The following TMLHE variants were observed in gnomAD, a reference collection of about 807,000 sequenced individuals.
The protein encoded by TMLHE is trimethyllysine hydroxylase, epsilon.
Under a neutral mutation model 25.7 loss-of-function variants are expected in TMLHE, and 18 were observed. That is an observed-to-expected ratio of 0.70 (90% CI 0.48 to 1.04). The LOEUF is 1.04. Ranked by LOEUF, TMLHE falls within the 50% of genes least tolerant of loss-of-function variation. The probability of loss-of-function intolerance (pLI) is 0.00; values close to 1 mark genes in which losing one functional copy is unlikely to be tolerated. For missense variants in TMLHE, 236 were observed against 259.0 expected (o/e 0.91, Z 0.61); for synonymous variants, 105 against 97.0 (o/e 1.08, Z -0.49).
chrX:155,576,217 A>G (rs1315862546), intron 1 of TMLHE, among the ~76,000 whole-genome samples: 1 of 111,614 alleles, frequency 9.0e-6, no homozygotes, highest in African/African-American at 3.3e-5. Context: ...CACCAACAAC[A>G]TCTAAGCTGA....
intron 1 of TMLHE, among the ~76,000 whole-genome samples, chrX:155,549,953 T>C (rs1483939213): frequency 2.7e-5 from 3 of 109,713 alleles, no homozygotes; most frequent in Non-Finnish European, 5.7e-5. Flanking sequence ...CAACTCCCAC[T>C]TATGAGTGAG....
At chrX:155,532,557 T>C (rs1387818519) in intron 2 of TMLHE, among the ~76,000 whole-genome samples, 1 of 111,458 alleles carries the variant, frequency 9.0e-6, no homozygotes, top group Non-Finnish European at 1.9e-5. Flanking sequence ...CTGAACTTAA[T>C]TGAAAGACTG....
rs782243383 is a variant in TMLHE at position 155,528,898 on chromosome X, A to G, written c.182-4266T>C. 3.9e-4 allele frequency among the ~76,000 whole-genome samples: 44 copies of G among 112,036 alleles called. 1 individual carries two copies. The highest frequency in any genetic ancestry group is 4.6e-3 in the Middle Eastern group (1 of 218). On this transcript the variant is annotated intron_variant, in intron 2 of 7. Coordinates refer to ENST00000334398, the MANE Select transcript of TMLHE (RefSeq NM_018196.4). ...GAAAGTGTCACACATGTGGAGCTGC[A>G]TATAAGGTTATTCATAATAGTGATG...
At chrX:155,522,213 G>T (rs2067192203) in intron 3 of TMLHE, among the ~76,000 whole-genome samples, 1 of 111,684 alleles carries the variant, frequency 9.0e-6, no homozygotes, top group Admixed American at 9.5e-5. Flanking sequence ...TGCATCATAA[G>T]CATGTTTTTT....
At chrX:155,593,553 T>C (rs1270814972) in intron 1 of TMLHE, among the ~76,000 whole-genome samples, 1 of 111,713 alleles carries the variant, frequency 9.0e-6, no homozygotes, top group Non-Finnish European at 1.9e-5. Context: ...TCATTACATC[T>C]CCAAAAGAAA....
chrX:155,523,184 C>T (rs2067199017), intron 3 of TMLHE, among the ~76,000 whole-genome samples: 1 of 111,880 alleles, frequency 8.9e-6, no homozygotes, highest in Non-Finnish European at 1.9e-5. Context: ...ATCTTTTATC[C>T]ATTTTTAAAT....
chrX:155,546,973 G>A (rs1603046670), intron 1 of TMLHE, among the ~76,000 whole-genome samples: 1 of 110,265 alleles, frequency 9.1e-6, no homozygotes, highest in East Asian at 2.8e-4. Flanking sequence ...AGTCTATGAA[G>A]TCTACAATAT....
intron 3 of TMLHE, among the ~76,000 whole-genome samples, chrX:155,522,028 G>A (rs782689015): frequency 9.0e-6 from 1 of 110,787 alleles, no homozygotes; most frequent in Non-Finnish European, 1.9e-5. Context: ...GTTCCTATTC[G>A]GCCATCTTGG....
Position 155,545,259 on chromosome X carries a change from C to A in TMLHE, c.18G>T (p.Leu6Phe). 8.4e-7 allele frequency: 1 copy of A among 1,195,325 alleles called. No homozygotes were observed. Among genetic ancestry groups the A allele is most frequent in the Non-Finnish European group, 1.1e-6 (1 of 889,295 alleles). The change falls in exon 2 of 8, where the codon TTG becomes TTT. Residue 6 changes from leucine to phenylalanine, a missense_variant. Transcript: ENST00000334398. MWYHR[L>F]SHLHSRLQDL... ...CCTGAAGCCTGCTGTGTAGGTGGGA[C>A]AATCTGTGGTACCACATCCTAGAAG... is the stretch of plus-strand genomic sequence containing the variant.
At chrX:155,561,313 T>C (rs1419394480) in intron 1 of TMLHE, among the ~76,000 whole-genome samples, 2 of 60,040 alleles carry the variant, frequency 3.3e-5, no homozygotes, top group African/African-American at 7.4e-5. Context: ...GTGGGGGGAA[T>C]TGCCACACTT....
intron 4 of TMLHE, among the ~76,000 whole-genome samples, chrX:155,512,628 C>A (rs1557333887): frequency 9.0e-6 from 1 of 110,914 alleles, no homozygotes; most frequent in Non-Finnish European, 1.9e-5. Context: ...TAGCTGTTGT[C>A]TTTTATTAGT....
At position 155,591,892 on chromosome X, in the gene TMLHE, C is replaced by T. The variant is rs782135447; in HGVS notation, c.-2+20900G>A. Among the ~76,000 whole-genome samples, 4 of 111,916 alleles carry T rather than the reference C, an allele frequency of 3.6e-5. No homozygotes were observed. The Admixed American group carries it at 3.8e-4, about 11-fold the overall frequency. The stretch of plus-strand genomic sequence containing the variant: ...TCAGTCTGTTGAAGAGACATCTGCA[C>T]CCCCATGCTCACTGCAACACTATTT... On this transcript the variant is annotated intron_variant, in intron 1 of 7. Coordinates refer to ENST00000334398, the MANE Select transcript of TMLHE (RefSeq NM_018196.4).
At chrX:155,573,231 A>C (rs2067567870) in intron 1 of TMLHE, among the ~76,000 whole-genome samples, 1 of 58,403 alleles carries the variant, frequency 1.7e-5, no homozygotes, top group African/African-American at 4.1e-5. Flanking sequence ...CACATGAAAA[A>C]ATGCTCACCA....
chrX:155,522,586 A>G (rs992936650), intron 3 of TMLHE, among the ~76,000 whole-genome samples: 2 of 112,145 alleles, frequency 1.8e-5, no homozygotes, highest in Non-Finnish European at 3.8e-5. Flanking sequence ...CTGGACACCA[A>G]TAATCTGTTC....
intron 2 of TMLHE, among the ~76,000 whole-genome samples, chrX:155,539,488 C>A (rs1428989693): frequency 9.0e-6 from 1 of 111,487 alleles, no homozygotes; most frequent in Non-Finnish European, 1.9e-5. Flanking sequence ...GAAGAGTATG[C>A]CTTCCCAGGA....
At chrX:155,526,468 T>G (rs954714323) in intron 2 of TMLHE, among the ~76,000 whole-genome samples, 3 of 112,673 alleles carry the variant, frequency 2.7e-5, no homozygotes, top group African/African-American at 9.7e-5. Context: ...CAGAAGTCTA[T>G]TGCAGGGGCA....
intron 3 of TMLHE, among the ~76,000 whole-genome samples, chrX:155,518,589 G>A (rs1407284355): frequency 2.0e-4 from 19 of 95,030 alleles, no homozygotes; most frequent in African/African-American, 6.7e-4. Flanking sequence ...AGTTTCAGAA[G>A]GAATGGTACC....
At chrX:155,558,642 A>C (rs1557341237) in intron 1 of TMLHE, among the ~76,000 whole-genome samples, 1 of 112,096 alleles carries the variant, frequency 8.9e-6, no homozygotes, top group African/African-American at 3.2e-5. Context: ...TATTTTGCTT[A>C]AGTAAATAAT....
intron 3 of TMLHE, among the ~76,000 whole-genome samples, chrX:155,515,595 C>G (rs992325266): frequency 1.2e-4 from 13 of 111,590 alleles, no homozygotes; most frequent in Non-Finnish European, 2.5e-4. Context: ...TTCATTCCCT[C>G]CAACAGTACA....
Sources: gnomAD v4.1 joint callset for allele counts (sites outside exome capture counted in the v4.1 genomes callset) on GRCh38, gnomAD v4.1.1 for gene constraint, MANE v1.5 for transcripts, NCBI Gene and HGNC (gene_info 2026-07-23, HGNC 2026-07-21) for gene names.